The following TRPM8 variants were observed in gnomAD, a reference collection of about 807,000 sequenced individuals.
TRPM8 encodes transient receptor potential cation channel subfamily M member 8, also known as TRPM8 cationic channel.
TRPM8 carries 110 observed loss-of-function variants against 133.7 expected under a neutral mutation model. The ratio of observed to expected loss-of-function variants is 0.82; its 90% CI spans 0.70 to 0.96. The LOEUF is 0.96. Among genes scored for constraint, TRPM8 ranks in the 40% least tolerant of loss-of-function variants. TRPM8 has a pLI of 0.00. For synonymous variants in TRPM8, 535 were observed against 532.3 expected, an observed-to-expected ratio of 1.01 and a Z score of -0.07; for missense variants, 1,291 against 1,379.5, an observed-to-expected ratio of 0.94 and a Z score of 1.02.
chr2:233,963,208 C>A, intron 12 of TRPM8, 74 bp from the exon 13 acceptor site: 1 of 920,224 alleles, frequency 1.1e-6, no homozygotes, highest in Non-Finnish European at 1.7e-6. Context: ...CAAACATGGG[C>A]TACTCTCCTA....
In TRPM8 at chr2:233,966,672, T is replaced by G; in HGVS notation, c.1942T>G (p.Cys648Gly). The G allele has an allele frequency of 6.2e-7, 1 of 1,613,944 alleles. No homozygotes were observed. The highest frequency in any genetic ancestry group is 8.5e-7 in the Non-Finnish European group (1 of 1,179,914). Residue 648 changes from cysteine to glycine, a missense_variant, in exon 15 of 26, where the codon TGT becomes GGT. Coordinates refer to ENST00000324695, the MANE Select transcript of TRPM8 (RefSeq NM_024080.5). ...DLAEQLLVYS[C>G]EAWGGSNCLE... ...GGCAGAACAGCTGCTGGTCTATTCCTGTGAAGCTTGGGGTGGAAGCAACTG... is the reference window on the plus strand; with the variant it reads ...GGCAGAACAGCTGCTGGTCTATTCCGGTGAAGCTTGGGGTGGAAGCAACTG...
At chr2:233,969,022 G>A (rs1463446018) in intron 15 of TRPM8, among the ~76,000 whole-genome samples, 1 of 152,064 alleles carries the variant, frequency 6.6e-6, no homozygotes, top group South Asian at 2.1e-4. Flanking sequence ...GGCTGTGCCT[G>A]TGAATTTGTG....
chr2:233,957,076 T>C (rs1691310714), intron 11 of TRPM8, among the ~76,000 whole-genome samples: 1 of 152,236 alleles, frequency 6.6e-6, no homozygotes, highest in African/African-American at 2.4e-5. Flanking sequence ...AACCTCCCTA[T>C]GCCTCAGTTT....
intron 22 of TRPM8, among the ~76,000 whole-genome samples, chr2:234,002,845 G>A (rs1166379128): frequency 6.6e-6 from 1 of 152,066 alleles, no homozygotes; most frequent in Non-Finnish European, 1.5e-5. Context: ...GTCTTTCAGT[G>A]GCTGCTGGAC....
chr2:233,971,652 T>C (rs972211533), intron 17 of TRPM8, among the ~76,000 whole-genome samples: 4 of 151,974 alleles, frequency 2.6e-5, no homozygotes, highest in African/African-American at 9.7e-5. Context: ...CTGGAGTTTG[T>C]TCCTTCTGAT....
intron 21 of TRPM8, among the ~76,000 whole-genome samples, chr2:233,987,557 G>C (rs1425382152): frequency 6.6e-6 from 1 of 152,200 alleles, no homozygotes; most frequent in Non-Finnish European, 1.5e-5. Context: ...TAGCAAAGGG[G>C]CTGAGCAGTG....
chr2:233,947,604 C>T lies in TRPM8; in HGVS notation c.942+449C>T, dbSNP rs955483025. ...GCAGGTATGTTGCATGATGGAATTC[C>T]AAACCCTAAGTGATTCTGAGATCAT... On this transcript the variant is annotated intron_variant, in intron 8 of 25. Transcript: ENST00000324695. The T allele has an allele frequency of 2.3e-6, 3 of 1,290,080 alleles. No homozygotes were observed. In the African/African-American group the frequency reaches 4.6e-5, roughly 20 times the overall value. 79.9% of individuals were successfully genotyped at this position (1,290,080 alleles called of 1,614,324 possible).
chr2:233,983,867 C>T (rs1010309688), intron 20 of TRPM8, among the ~76,000 whole-genome samples: 1 of 152,170 alleles, frequency 6.6e-6, no homozygotes, highest in African/African-American at 2.4e-5. Context: ...GCCTGCTCCT[C>T]CTGGTCACAG....
chr2:233,976,789 A>G (rs377499144), intron 17 of TRPM8, among the ~76,000 whole-genome samples: 21 of 151,922 alleles, frequency 1.4e-4, no homozygotes, highest in African/African-American at 3.1e-4. Context: ...TGGCCTTACA[A>G]CTCTGATTCT....
chr2:233,985,848 G>A lies in TRPM8; in HGVS notation c.2922G>A (p.Leu974=). ...CCACCAACATCCTGCTGGTCAACCT[G>A]CTGGTCGCCATGTTTGGGTATGTGT... ...MLSTNILLVN[L]LVAMFGYTVG... Residue 974 remains leucine (L), a synonymous_variant, in exon 21 of 26, where the codon CTG becomes CTA. Coordinates refer to ENST00000324695, the MANE Select transcript of TRPM8 (RefSeq NM_024080.5). The A allele has an allele frequency of 1.9e-6, 3 of 1,613,684 alleles. No individual in the cohort carries two copies. The highest frequency in any genetic ancestry group is 1.3e-5 in the African/African-American group (1 of 75,016).
chr2:233,946,721 T>C (rs144011042), intron 7 of TRPM8, among the ~76,000 whole-genome samples: 44 of 152,320 alleles, frequency 2.9e-4, no homozygotes, highest in African/African-American at 9.9e-4. Context: ...GAAAGACCAC[T>C]AGTTATGCAA....
chr2:233,924,496 A>G (rs369975110), intron 1 of TRPM8, among the ~76,000 whole-genome samples: 10 of 151,968 alleles, frequency 6.6e-5, no homozygotes, highest in African/African-American at 2.4e-4. Context: ...TCCTGCAACA[A>G]TGTGTCTAGA....
At position 233,927,774 on chromosome 2, in the gene TRPM8, CTTTCTTTCTTTCTTTCTTTTCT is replaced by C. The variant is rs1470427627; in HGVS notation, c.117+1123_117+1144del. Among the ~76,000 whole-genome samples, 385 of 56,462 alleles carry C rather than the reference CTTTCTTTCTTTCTTTCTTTTCT, an allele frequency of 6.8e-3. 18 individuals carry two copies. The highest frequency in any genetic ancestry group is 0.037 in the African/African-American group (172 of 4,632). 37.0% of individuals were successfully genotyped at this position (56,462 alleles called of 152,430 possible). On this transcript the variant is annotated intron_variant, in intron 2 of 25. Transcript: ENST00000324695. ...TCTTTCTTTCTTTCTTTCTTTCTTT[CTTTCTTTCTTTCTTTCTTTTCT>C]TTCCTTCCTTCCTTCCTTCCTTCCT...
chr2:234,011,684 C>T (rs545275155), intron 24 of TRPM8, among the ~76,000 whole-genome samples: 199 of 152,018 alleles, frequency 1.3e-3, no homozygotes, highest in Middle Eastern at 3.4e-3. Context: ...TTTGGGAGGC[C>T]GAGGCAGGTG....
At chr2:233,947,878 G>A (rs1245573311) in intron 8 of TRPM8, among the ~76,000 whole-genome samples, 3 of 152,008 alleles carry the variant, frequency 2.0e-5, no homozygotes, top group African/African-American at 7.2e-5. Flanking sequence ...ATGTCACAGG[G>A]GTTTTGCATA....
intron 6 of TRPM8, among the ~76,000 whole-genome samples, chr2:233,945,647 G>T (rs1042872573): frequency 5.3e-5 from 8 of 152,102 alleles, no homozygotes; most frequent in Non-Finnish European, 1.0e-4. Flanking sequence ...ATGAGCACAT[G>T]GCACAACCAT....
At chr2:233,925,841 C>T (rs1051316929) in intron 1 of TRPM8, among the ~76,000 whole-genome samples, 1 of 151,848 alleles carries the variant, frequency 6.6e-6, no homozygotes, top group Non-Finnish European at 1.5e-5. Context: ...CTTTGGGAGA[C>T]GAGGGGAGAG....
chr2:233,999,951 C>T (rs974791553), intron 22 of TRPM8, among the ~76,000 whole-genome samples: 1 of 152,162 alleles, frequency 6.6e-6, no homozygotes, highest in Admixed American at 6.5e-5. Flanking sequence ...CTGCACTTAG[C>T]TGATTTTCTG....
At chr2:233,990,569 C>G (rs1411135963) in intron 21 of TRPM8, among the ~76,000 whole-genome samples, 1 of 152,196 alleles carries the variant, frequency 6.6e-6, no homozygotes, top group Non-Finnish European at 1.5e-5. Flanking sequence ...TAAATCTCCA[C>G]CTGGGGGTGT....
Sources: gnomAD v4.1 joint callset for allele counts (sites outside exome capture counted in the v4.1 genomes callset) on GRCh38, gnomAD v4.1.1 for gene constraint, MANE v1.5 for transcripts, NCBI Gene and HGNC (gene_info 2026-07-23, HGNC 2026-07-21) for gene names.